ETS1: variants seen among roughly 807,000 people sequenced by gnomAD.
ETS1 encodes protein C-ets-1.
In ETS1, 15 loss-of-function variants were observed where a neutral mutation model predicts 58.6. The observed-to-expected ratio is 0.26, with a 90% CI of 0.17 to 0.39. The LOEUF (loss-of-function observed/expected upper bound fraction) is 0.39, where lower values mean the gene tolerates loss of function less well. ETS1 is among the 10% of genes least tolerant of loss of function. The probability of loss-of-function intolerance (pLI) is 1.00; values close to 1 mark genes in which losing one functional copy is unlikely to be tolerated. For missense variants in ETS1, 417 were observed against 610.5 expected, an observed-to-expected ratio of 0.68 and a Z score of 3.34; for synonymous variants, 214 against 218.2, an observed-to-expected ratio of 0.98 and a Z score of 0.17.
chr11:128,485,926 A>G (rs1862617403), intron 6 of ETS1, 143 bp downstream of exon 6: 3 of 606,934 alleles, frequency 4.9e-6, no homozygotes, highest in Non-Finnish European at 8.8e-6. Flanking sequence ...AAAATAATAA[A>G]ATAAAGTAAC....
chr11:128,528,993 C>T (rs547505317), intron 3 of ETS1: 17 of 152,332 alleles, frequency 1.1e-4, no homozygotes, highest in African/African-American at 3.6e-4. Context: ...TTATACATCA[C>T]GCTATTCATA....
At chr11:128,542,086 G>A (rs1384226243) in intron 3 of ETS1, among the ~76,000 whole-genome samples, 2 of 152,170 alleles carry the variant, frequency 1.3e-5, no homozygotes, top group East Asian at 3.8e-4. Flanking sequence ...TTTTTACACA[G>A]TATAGTTCTG....
intron 8 of ETS1, among the ~76,000 whole-genome samples, chr11:128,468,328 T>G (rs1862094446): frequency 6.6e-6 from 1 of 152,208 alleles, no homozygotes; most frequent in Non-Finnish European, 1.5e-5. Flanking sequence ...CCCCTGCTAT[T>G]CTGGTCCCTT....
Position 128,480,466 on chromosome 11 carries a change from G to A in ETS1, c.863-15C>T. 1.9e-6 allele frequency: 3 copies of A among 1,603,952 alleles called. No homozygotes were observed. Among genetic ancestry groups the A allele is most frequent in the Non-Finnish European group, 2.6e-6 (3 of 1,171,104 alleles). ...CCCGAGTTTACCTGGAGGTAAAGGA[G>A]GAGGTAGGAAGAGGACAGGGGGAGG... On this transcript the variant is annotated splice_polypyrimidine_tract_variant and intron_variant, in intron 7 of 9. Coordinates refer to ENST00000392668, the MANE Select transcript of ETS1 (RefSeq NM_001143820.2).
At chr11:128,570,238 C>CTTT (rs200310590) in intron 2 of ETS1, among the ~76,000 whole-genome samples, 2 of 135,488 alleles carry the variant, frequency 1.5e-5, no homozygotes, top group African/African-American at 2.7e-5. Flanking sequence ...TTTTCTTTTC[C>CTTT]TTTTTTTTTT....
At chr11:128,466,207 A>G (rs1862029719) in intron 8 of ETS1, among the ~76,000 whole-genome samples, 1 of 152,200 alleles carries the variant, frequency 6.6e-6, no homozygotes, top group Non-Finnish European at 1.5e-5. Flanking sequence ...TGTGGTAGCC[A>G]TTATGTTACA....
intron 3 of ETS1, among the ~76,000 whole-genome samples, chr11:128,521,310 G>C: frequency 6.6e-6 from 1 of 152,186 alleles, no homozygotes; most frequent in Non-Finnish European, 1.5e-5. Flanking sequence ...CATGGGTAAA[G>C]TAAGTAACCT....
At chr11:128,533,113 A>C (rs1039697283) in intron 3 of ETS1, among the ~76,000 whole-genome samples, 4 of 152,154 alleles carry the variant, frequency 2.6e-5, no homozygotes, top group African/African-American at 9.7e-5. Context: ...GAGTTTGTTC[A>C]CGCTCCATAT....
chr11:128,468,120 C>G (rs566532501), intron 8 of ETS1, among the ~76,000 whole-genome samples: 1 of 152,180 alleles, frequency 6.6e-6, no homozygotes, highest in Non-Finnish European at 1.5e-5. Context: ...GGAGAGCTCC[C>G]AAGCCTACAA....
In ETS1 at chr11:128,551,796, T is replaced by C. The variant is rs369630168; in HGVS notation, c.214+4495A>G. ...TGCACTTTGGGTCAATGAGTCATAA[T>C]AGCAAATATTCATATCAGGCTTGCT... On this transcript the variant is annotated intron_variant, in intron 3 of 9. Coordinates refer to ENST00000392668, the MANE Select transcript of ETS1 (RefSeq NM_001143820.2). Among the ~76,000 whole-genome samples, 14 of 152,304 alleles carry C rather than the reference T, an allele frequency of 9.2e-5. 1 individual carries two copies. Among genetic ancestry groups the C allele is most frequent in the African/African-American group, 3.4e-4 (14 of 41,568 alleles).
Position 128,565,062 on chromosome 11 carries a change from T to TA in ETS1, c.69+7999dup, listed in dbSNP as rs1555089090. On this transcript the variant is annotated intron_variant, in intron 2 of 9. Transcript: ENST00000392668. ...TAAATAAATAAATAAATAAATAAAA[T>TA]AAATGTGTTTGTAAGGAGTTGTTAT... Among the ~76,000 whole-genome samples the TA allele has an allele frequency of 2.2e-3, 118 of 54,520 alleles. 2 individuals carry two copies. The highest frequency in any genetic ancestry group is 3.1e-3 in the Non-Finnish European group (80 of 26,124). 35.8% of individuals were successfully genotyped at this position (54,520 alleles called of 152,430 possible).
At position 128,546,773 on chromosome 11, in the gene ETS1, C is replaced by T. The variant is rs544561381; in HGVS notation, c.214+9518G>A. On this transcript the variant is annotated intron_variant, in intron 3 of 9. Transcript: ENST00000392668. ...GGTGTTAGCTCTGAATTTCTGCACC[C>T]CTATCCCCTTTAGGGGCACTATTTC... 3.9e-5 allele frequency among the ~76,000 whole-genome samples: 6 copies of T among 152,246 alleles called. No homozygotes were observed. In the East Asian group the frequency reaches 1.2e-3, roughly 29 times the overall value.
chr11:128,571,960 C>T (rs1371674884), intron 2 of ETS1: 1 of 151,952 alleles, frequency 6.6e-6, no homozygotes, highest in Non-Finnish European at 1.5e-5. Flanking sequence ...AGGAGAATCG[C>T]TTGAACACGG....
chr11:128,536,376 T>C (rs549005085), intron 3 of ETS1: 4 of 152,326 alleles, frequency 2.6e-5, no homozygotes, highest in African/African-American at 7.2e-5. Context: ...TTGGAATGAA[T>C]GTCATAGTAT....
chr11:128,582,065 TA>T (rs1293139922), intron 1 of ETS1, among the ~76,000 whole-genome samples: 2 of 152,210 alleles, frequency 1.3e-5, no homozygotes, highest in African/African-American at 2.4e-5. Context: ...AGTATAATGC[TA>T]AACAGCTTGC....
intron 8 of ETS1, among the ~76,000 whole-genome samples, chr11:128,470,917 C>T (rs554419889): frequency 1.3e-5 from 2 of 152,260 alleles, no homozygotes; most frequent in East Asian, 1.9e-4. Context: ...AAAGTGCACA[C>T]GCACCAAAAG....
Position 128,458,851 on chromosome 11 carries a change from A to G in ETS1, c.*3510T>C, listed in dbSNP as rs1861833762. ...TACAGTATATAAAAAACTCTCCAGC[A>G]AAATGATGTGCCAGCATCAGCTACT... On this transcript the variant is annotated 3_prime_UTR_variant, in exon 10 of 10. Transcript: ENST00000392668. The surrounding 1 kb of genome is among the most constrained non-coding windows in gnomAD (Gnocchi z 4.3). 6.5e-6 allele frequency: 1 copy of G among 152,800 alleles called. No homozygotes were observed. Among genetic ancestry groups the G allele is most frequent in the South Asian group, 2.1e-4 (1 of 4,836 alleles). The allele number at this position is 152,800 out of a possible 1,614,324, so 9.5% of individuals were successfully genotyped here. A position where few individuals can be genotyped will look rare whatever the true frequency, so the allele number is the denominator to read the frequency against.
At chr11:128,474,546 AC>A (rs1862270784) in intron 8 of ETS1, among the ~76,000 whole-genome samples, 1 of 152,166 alleles carries the variant, frequency 6.6e-6, no homozygotes, top group Non-Finnish European at 1.5e-5. Context: ...TTGCCTCCCA[AC>A]CAGTTCAAAT....
intron 3 of ETS1, among the ~76,000 whole-genome samples, chr11:128,541,641 A>G (rs1338758121): frequency 1.3e-5 from 2 of 152,130 alleles, no homozygotes; most frequent in Non-Finnish European, 2.9e-5. Context: ...TTCTTAACCA[A>G]TCCTTATAAT....
Sources: gnomAD v4.1 joint callset for allele counts (sites outside exome capture counted in the v4.1 genomes callset) on GRCh38, gnomAD v4.1.1 for gene constraint, Gnocchi (gnomAD v3.1) non-coding constraint, MANE v1.5 for transcripts, NCBI Gene and HGNC (gene_info 2026-07-23, HGNC 2026-07-21) for gene names.